Variants in CNBD1 observed in about 807,000 individuals in gnomAD.
The protein encoded by CNBD1 is cyclic nucleotide binding domain containing 1.
In CNBD1, 71 loss-of-function variants were observed where a neutral mutation model predicts 54.4. The observed-to-expected ratio is 1.30, with a 90% CI of 1.08 to 1.59. The LOEUF (loss-of-function observed/expected upper bound fraction) is 1.59. Ranked by LOEUF, CNBD1 falls within the 40% of genes most tolerant of loss-of-function variation. The pLI is 0.00. For synonymous variants in CNBD1, 182 were observed against 170.7 expected, an observed-to-expected ratio of 1.07 and a Z score of -0.51; for missense variants, 659 against 518.0, an observed-to-expected ratio of 1.27 and a Z score of -2.64.
chr8:86,907,682 CAAAAAAACAAAAAA>C (rs1215979585), intron 3 of CNBD1, among the ~76,000 whole-genome samples: 10 of 149,916 alleles, frequency 6.7e-5, no homozygotes, highest in Admixed American at 6.6e-4. Flanking sequence ...AAAACAAAAA[CAAAAAAACAAAAAA>C]AAACCCCTTA....
At chr8:87,389,240 G>C (rs1167023523) in intron 2 of CNBD1, among the ~76,000 whole-genome samples, 4 of 152,158 alleles carry the variant, frequency 2.6e-5, no homozygotes, top group East Asian at 1.9e-4. Flanking sequence ...AGTGTTGGAA[G>C]TTCTGGCCAG....
intron 6 of CNBD1, among the ~76,000 whole-genome samples, chr8:87,279,782 G>A (rs912668435): frequency 6.6e-6 from 1 of 150,874 alleles, no homozygotes; most frequent in Non-Finnish European, 1.5e-5. Context: ...AAAAGGAAAT[G>A]CTTTATATTA....
At chr8:86,975,123 AATAAT>A (rs1808312734) in intron 4 of CNBD1, among the ~76,000 whole-genome samples, 1 of 152,058 alleles carries the variant, frequency 6.6e-6, no homozygotes, top group Non-Finnish European at 1.5e-5. Flanking sequence ...TTAATTGACA[AATAAT>A]AGTTGTATTT....
At position 87,147,385 on chromosome 8, in the gene CNBD1, A is replaced by G. The variant is rs187458956; in HGVS notation, c.432-58608A>G. On this transcript the variant is annotated intron_variant, in intron 4 of 10. Transcript: ENST00000518476. ...ATGGTGCTCATTAAATATCTCTTGTATACATGAAGGACATACTTTTCTGCT... is the reference window on the plus strand; with the variant it reads ...ATGGTGCTCATTAAATATCTCTTGTGTACATGAAGGACATACTTTTCTGCT... Among the ~76,000 whole-genome samples, 287 of 152,118 alleles carry G rather than the reference A, an allele frequency of 1.9e-3. 6 individuals carry two copies. The highest frequency in any genetic ancestry group is 6.4e-3 in the African/African-American group (267 of 41,520).
chr8:87,128,920 TA>T (rs71277914), intron 4 of CNBD1, among the ~76,000 whole-genome samples: 3,153 of 126,290 alleles, frequency 0.025, 33 homozygotes, highest in Middle Eastern at 0.034. Context: ...CGTCTCCACT[TA>T]AAAAAAAAAA....
chr8:87,119,301 C>T (rs1026045706), intron 4 of CNBD1, among the ~76,000 whole-genome samples: 2 of 149,456 alleles, frequency 1.3e-5, no homozygotes, highest in East Asian at 3.9e-4. Context: ...CCTTTTACTT[C>T]TTGGGTTAAA....
At chr8:86,941,528 T>G (rs1241465688) in intron 4 of CNBD1, among the ~76,000 whole-genome samples, 1 of 152,130 alleles carries the variant, frequency 6.6e-6, no homozygotes, top group Non-Finnish European at 1.5e-5. Flanking sequence ...TCCTGTCTTT[T>G]TTACTATAGT....
At chr8:87,111,550 AATAG>A (rs768311687) in intron 4 of CNBD1, among the ~76,000 whole-genome samples, 14 of 152,148 alleles carry the variant, frequency 9.2e-5, no homozygotes, top group Non-Finnish European at 2.1e-4. Flanking sequence ...TTATTCCTCA[AATAG>A]ATCTGACCTC....
At chr8:86,927,696 A>G (rs1227992492) in intron 3 of CNBD1, among the ~76,000 whole-genome samples, 1 of 152,168 alleles carries the variant, frequency 6.6e-6, no homozygotes, top group Non-Finnish European at 1.5e-5. Flanking sequence ...TATACTGCTT[A>G]ATAATGTAAT....
chr8:86,999,029 A>G (rs1450111778), intron 4 of CNBD1, among the ~76,000 whole-genome samples: 1 of 152,220 alleles, frequency 6.6e-6, no homozygotes, highest in East Asian at 1.9e-4. Context: ...AATTGTAATC[A>G]CAAGAGCTAT....
At chr8:86,886,034 A>C (rs1276717342) in intron 1 of CNBD1, among the ~76,000 whole-genome samples, 1 of 152,096 alleles carries the variant, frequency 6.6e-6, no homozygotes, top group East Asian at 1.9e-4. Flanking sequence ...TTACTTTTTT[A>C]AAGCCTCTCT....
At chr8:87,315,583 C>T (rs756001796) in intron 8 of CNBD1, among the ~76,000 whole-genome samples, 30 of 151,932 alleles carry the variant, frequency 2.0e-4, no homozygotes, top group African/African-American at 2.7e-4. Context: ...TGAGAACTCA[C>T]GCCTTACCCC....
At chr8:87,294,789 T>G (rs559134377) in intron 8 of CNBD1, among the ~76,000 whole-genome samples, 1 of 152,284 alleles carries the variant, frequency 6.6e-6, no homozygotes, top group Non-Finnish European at 1.5e-5. Context: ...TACCACTTTT[T>G]TCAGCTTTAT....
intron 6 of CNBD1, among the ~76,000 whole-genome samples, chr8:87,267,183 A>T (rs1808275591): frequency 6.6e-6 from 1 of 152,210 alleles, no homozygotes; most frequent in Admixed American, 6.5e-5. Context: ...AAAATTACAA[A>T]ATATATAAAT....
intron 8 of CNBD1, among the ~76,000 whole-genome samples, chr8:87,307,433 T>G (rs574497204): frequency 6.6e-6 from 1 of 152,266 alleles, no homozygotes; most frequent in South Asian, 2.1e-4. Flanking sequence ...TGCTGAAAAC[T>G]TAAGTGATCA....
chr8:86,921,747 T>C (rs118118095), intron 3 of CNBD1, among the ~76,000 whole-genome samples: 3,915 of 152,204 alleles, frequency 0.026, 97 homozygotes, highest in South Asian at 0.061. Flanking sequence ...ACATGGGAAT[T>C]ATGGGAACTA....
chr8:87,073,661 G>A (rs1348670651), intron 4 of CNBD1, among the ~76,000 whole-genome samples: 1 of 152,146 alleles, frequency 6.6e-6, no homozygotes, highest in Non-Finnish European at 1.5e-5. Flanking sequence ...AAGTGGCAAA[G>A]ATGGCAGCCT....
chr8:86,934,655 TC>T, intron 3 of CNBD1, among the ~76,000 whole-genome samples: 1 of 152,336 alleles, frequency 6.6e-6, no homozygotes, highest in Non-Finnish European at 1.5e-5. Flanking sequence ...CATTTCTCTT[TC>T]TAGTTTGCTA....
rs192982974 is a variant in CNBD1 at position 87,144,322 on chromosome 8, A to G, written c.432-61671A>G. 1.1e-3 allele frequency among the ~76,000 whole-genome samples: 163 copies of G among 152,348 alleles called. 3 individuals are homozygous for G. Among genetic ancestry groups the G allele is most frequent in the African/African-American group, 3.7e-3 (153 of 41,582 alleles). ...AAATGAGTTTACTTTAGGAAACACA[A>G]TTACTAAGCATGGCAGAGAATAAGT... On this transcript the variant is annotated intron_variant, in intron 4 of 10. Transcript: ENST00000518476.
Sources: allele counts gnomAD v4.1 joint callset (sites outside exome capture counted in the v4.1 genomes callset), GRCh38; gene constraint gnomAD v4.1.1; transcripts MANE v1.5; gene names NCBI Gene and HGNC (gene_info 2026-07-23, HGNC 2026-07-21).